Variants in SLC22A16 observed in about 807,000 individuals in gnomAD.
SLC22A16 encodes the protein WUGSC:RG331P03.1.
A neutral mutation model predicts 52.9 loss-of-function variants in SLC22A16; 53 were observed. The ratio of observed to expected loss-of-function variants is 1.00; its 90% CI spans 0.80 to 1.26. The LOEUF is 1.26. Among genes scored for constraint, SLC22A16 ranks in the 50% most tolerant of loss-of-function variants. The pLI, the probability that SLC22A16 is intolerant of heterozygous loss-of-function variation, is 0.00. For synonymous variants in SLC22A16, 291 were observed against 268.8 expected (o/e 1.08, Z -0.81); for missense variants, 726 against 704.0 (o/e 1.03, Z -0.35).
At chr6:110,450,055 G>T (rs1289018372) in intron 2 of SLC22A16, among the ~76,000 whole-genome samples, 2 of 152,080 alleles carry the variant, frequency 1.3e-5, no homozygotes, top group Admixed American at 1.3e-4. Context: ...ATTCCTTGGG[G>T]TCTCATAGCA....
At chr6:110,438,625 C>T (rs1001276301) in intron 5 of SLC22A16, 95 bp downstream of exon 5, 28 of 1,329,788 alleles carry the variant, frequency 2.1e-5, no homozygotes, top group Non-Finnish European at 2.7e-5. Context: ...AAATCATACT[C>T]TGAATTGACC....
rs1203206053 is a variant in SLC22A16, at chr6:110,447,253, G to T, written c.534-263C>A. ...TCATCCCCGCAGGACCCTTTAACCT[G>T]GGATTGGGGGAAGAGAGGAGAGAAT... is the stretch of plus-strand genomic sequence containing the variant. On this transcript the variant is annotated intron_variant, in intron 2 of 7. Coordinates refer to ENST00000368919, the MANE Select transcript of SLC22A16 (RefSeq NM_033125.4). 2.0e-5 allele frequency among the ~76,000 whole-genome samples: 3 copies of T among 152,160 alleles called. No individual in the cohort carries two copies. In the East Asian group the frequency reaches 5.8e-4, roughly 29 times the overall value.
At chr6:110,447,538 TA>T (rs1775224184) in intron 2 of SLC22A16, among the ~76,000 whole-genome samples, 1 of 152,246 alleles carries the variant, frequency 6.6e-6, no homozygotes, top group Non-Finnish European at 1.5e-5. Flanking sequence ...TTCAACCTTT[TA>T]AAGTAGACAA....
chr6:110,476,050 C>T, intron 1 of SLC22A16: 2 of 455,730 alleles, frequency 4.4e-6, no homozygotes, highest in Admixed American at 2.4e-5. Flanking sequence ...CTCTGACTAA[C>T]GGTTGTCCCT....
chr6:110,440,315 G>A (rs1425257888), intron 4 of SLC22A16: 2 of 152,270 alleles, frequency 1.3e-5, no homozygotes, highest in African/African-American at 4.8e-5. Context: ...CAAATGCATA[G>A]GAATAGATCT....
chr6:110,459,614 T>C (rs1489383870), intron 1 of SLC22A16, among the ~76,000 whole-genome samples: 1 of 152,168 alleles, frequency 6.6e-6, no homozygotes, highest in African/African-American at 2.4e-5. Context: ...TTGGAAAAAC[T>C]GGTGAAATTC....
At chr6:110,475,067 A>T (rs1408104594) in intron 1 of SLC22A16, 1 of 486,796 alleles carries the variant, frequency 2.1e-6, no homozygotes, top group Non-Finnish European at 4.1e-6. Context: ...AAAATGCTCA[A>T]GACCGTATAG....
At chr6:110,459,811 T>A (rs1487653044) in intron 1 of SLC22A16, among the ~76,000 whole-genome samples, 1 of 152,070 alleles carries the variant, frequency 6.6e-6, no homozygotes, top group Non-Finnish European at 1.5e-5. Flanking sequence ...TTTAAAAATT[T>A]AAAAAAATAG....
chr6:110,449,185 C>T (rs1292969522), intron 2 of SLC22A16, among the ~76,000 whole-genome samples: 2 of 152,122 alleles, frequency 1.3e-5, no homozygotes, highest in Non-Finnish European at 2.9e-5. Flanking sequence ...GTCCTTTCTG[C>T]CTGTCCTCTC....
intron 2 of SLC22A16, among the ~76,000 whole-genome samples, chr6:110,450,740 T>A (rs1166881727): frequency 6.6e-6 from 1 of 152,074 alleles, no homozygotes; most frequent in Non-Finnish European, 1.5e-5. Context: ...TTTTTTATTA[T>A]AATATTTTAT....
chr6:110,448,661 C>T (rs921784478), intron 2 of SLC22A16, among the ~76,000 whole-genome samples: 1 of 152,130 alleles, frequency 6.6e-6, no homozygotes, highest in African/African-American at 2.4e-5. Context: ...ACTATTTTTA[C>T]CTATCACTGC....
chr6:110,456,918 G>C lies in SLC22A16; in HGVS notation c.153C>G (p.Val51=), dbSNP rs1218651384. ...SVFMGVTPHH[V]CRPPGNVSQV... ...GACTCACATTGCCTGGGGGCCTGCA[G>C]ACATGATGAGGGGTGACTCCCATGA... Residue 51 remains valine (V), a synonymous_variant, in exon 2 of 8, where the codon GTC becomes GTG. Coordinates refer to ENST00000368919, the MANE Select transcript of SLC22A16 (RefSeq NM_033125.4). 6.2e-7 allele frequency: 1 copy of C among 1,613,766 alleles called. No individual in the cohort carries two copies. The highest frequency in any genetic ancestry group is 1.1e-5 in the South Asian group (1 of 90,978).
chr6:110,450,107 C>T (rs979123087), intron 2 of SLC22A16, among the ~76,000 whole-genome samples: 1 of 152,054 alleles, frequency 6.6e-6, no homozygotes, highest in African/African-American at 2.4e-5. Flanking sequence ...GGGATGCTGG[C>T]CTGGGCTCAA....
chr6:110,429,443 TTTA>T (rs1217558158), intron 7 of SLC22A16, among the ~76,000 whole-genome samples: 9 of 152,364 alleles, frequency 5.9e-5, no homozygotes, highest in African/African-American at 2.2e-4. Context: ...CAAGCACTGT[TTTA>T]TTACTTGTGA....
intron 2 of SLC22A16, among the ~76,000 whole-genome samples, chr6:110,452,199 G>T (rs1408186587): frequency 6.6e-6 from 1 of 151,970 alleles, no homozygotes; most frequent in Non-Finnish European, 1.5e-5. Context: ...TTCACTTTTT[G>T]TTATATTTAA....
intron 1 of SLC22A16, chr6:110,475,825 T>C (rs1269994712): frequency 7.0e-6 from 3 of 425,938 alleles, no homozygotes; most frequent in African/African-American, 2.1e-5. Context: ...TTTAAATCAA[T>C]TTGACAAATG....
At position 110,476,544 on chromosome 6, in the gene SLC22A16, C is replaced by G; in HGVS notation, c.31G>C (p.Asp11His). Reference protein sequence around the residue: MGSRHFEGIYDHVGHFGRFQR... With the variant: MGSRHFEGIYHHVGHFGRFQR... The stretch of plus-strand genomic sequence containing the variant: ...TACCTGCCGAAGTGCCCCACGTGGT[C>G]ATAAATCCCCTCGAAGTGGCGGGAC... Residue 11 changes from aspartate (D) to histidine (H), a missense_variant, in exon 1 of 8, where the codon GAC becomes CAC. Coordinates refer to ENST00000368919, the MANE Select transcript of SLC22A16 (RefSeq NM_033125.4). The G allele has an allele frequency of 1.3e-6, 2 of 1,511,930 alleles. No homozygotes were observed. The highest frequency in any genetic ancestry group is 1.8e-6 in the Non-Finnish European group (2 of 1,133,686). 93.7% of individuals were successfully genotyped at this position (1,511,930 alleles called of 1,614,324 possible).
chr6:110,427,076 ATTCTC>A (rs1774286553), intron 7 of SLC22A16, among the ~76,000 whole-genome samples: 1 of 150,102 alleles, frequency 6.7e-6, no homozygotes, highest in Non-Finnish European at 1.5e-5. Context: ...ATATGGTGAA[ATTCTC>A]TATGAAAAAT....
At chr6:110,435,785 A>C in intron 6 of SLC22A16, 67 bp downstream of exon 6, 3 of 1,223,856 alleles carry the variant, frequency 2.5e-6, no homozygotes, top group Middle Eastern at 2.0e-4. Context: ...TGTAAAGGCC[A>C]AATACAATGA....
Sources: gnomAD v4.1 joint callset for allele counts (sites outside exome capture counted in the v4.1 genomes callset) on GRCh38, gnomAD v4.1.1 for gene constraint, MANE v1.5 for transcripts, NCBI Gene and HGNC (gene_info 2026-07-23, HGNC 2026-07-21) for gene names.